The following ERAP1 variants were observed in gnomAD, a reference collection of about 807,000 sequenced individuals.
ERAP1 encodes the protein adipocyte-derived leucine aminopeptidase.
A neutral mutation model predicts 103.7 loss-of-function variants in ERAP1; 86 were observed. The ratio of observed to expected loss-of-function variants is 0.83; its 90% CI spans 0.70 to 0.99. ERAP1 has a LOEUF of 0.99. Among genes scored for constraint, ERAP1 ranks in the 50% least tolerant of loss-of-function variants. The pLI is 0.00. For missense variants in ERAP1, 1,009 were observed against 1,128.4 expected (o/e 0.89, Z 1.52); for synonymous variants, 398 against 402.4 (o/e 0.99, Z 0.13).
chr5:96,879,535 C>T, the ERAP1 span: 4 of 578,606 alleles, frequency 6.9e-6, no homozygotes, highest in African/African-American at 1.9e-5. Context: ...TCTTTTTTGT[C>T]ATGCTATAAG....
chr5:96,906,072 G>C, the ERAP1 span, among the ~76,000 whole-genome samples: 1 of 151,408 alleles, frequency 6.6e-6, no homozygotes, highest in African/African-American at 2.4e-5. Context: ...ACCACACCCA[G>C]TGTAAATCAA....
upstream of ERAP1, among the ~76,000 whole-genome samples, chr5:96,809,353 C>A (rs1779009749): frequency 6.6e-6 from 1 of 152,138 alleles, no homozygotes; most frequent in African/African-American, 2.4e-5. Flanking sequence ...TGCTCTGGTT[C>A]AAACGTCTCT....
chr5:96,794,772 C>T (rs1251055613), intron 5 of ERAP1, among the ~76,000 whole-genome samples: 1 of 152,172 alleles, frequency 6.6e-6, no homozygotes, highest in Non-Finnish European at 1.5e-5. Context: ...CTGCTGTCTG[C>T]CCACTAATAA....
chr5:96,869,375 A>G, the ERAP1 span, among the ~76,000 whole-genome samples: 3 of 152,216 alleles, frequency 2.0e-5, no homozygotes, highest in African/African-American at 7.2e-5. Context: ...TCAGAGAGGT[A>G]CAAACAGAGG....
intron 18 of ERAP1, among the ~76,000 whole-genome samples, chr5:96,777,600 A>C (rs1048704026): frequency 1.4e-5 from 2 of 146,612 alleles, no homozygotes; most frequent in Non-Finnish European, 3.0e-5. Flanking sequence ...AAAACACTTC[A>C]CTCTCTACTT....
chr5:96,909,198 A>G, the ERAP1 span: 2 of 1,399,514 alleles, frequency 1.4e-6, no homozygotes, highest in African/African-American at 2.8e-5. Context: ...TTTTGTGTGA[A>G]GTCCTTGAGG....
At chr5:96,904,901 T>C in the ERAP1 span, among the ~76,000 whole-genome samples, 1 of 152,226 alleles carries the variant, frequency 6.6e-6, no homozygotes, top group Non-Finnish European at 1.5e-5. Context: ...AAGTTAAGAA[T>C]ACAAATTTTA....
the ERAP1 span, among the ~76,000 whole-genome samples, chr5:96,899,086 A>AT: frequency 1.3e-5 from 2 of 152,144 alleles, no homozygotes; most frequent in African/African-American, 2.4e-5. Flanking sequence ...TTCCTGTGTT[A>AT]TTTTTTGTCA....
intron 19 of ERAP1, chr5:96,766,013 G>C (rs1357546438): frequency 8.9e-7 from 1 of 1,117,668 alleles, no homozygotes; most frequent in Non-Finnish European, 1.4e-6. Flanking sequence ...AAGTGAAAGA[G>C]GAAATGAATA....
In ERAP1 at chr5:96,803,934, C is replaced by T. The variant is rs1162343427; in HGVS notation, c.-8G>A. 2 of 1,604,046 alleles carry T rather than the reference C, an allele frequency of 1.2e-6. No homozygotes were observed. The highest frequency in any genetic ancestry group is 3.4e-4 in the Middle Eastern group (2 of 5,890). On this transcript the variant is annotated 5_prime_UTR_variant, in exon 2 of 19. Transcript: ENST00000443439. ...GAGGGGCAGAAACACCATCTTCTTG[C>T]TCTACCTACCTAGCGGCACAAATGT...
chr5:96,881,974 G>C, the ERAP1 span, among the ~76,000 whole-genome samples: 11 of 99,264 alleles, frequency 1.1e-4, no homozygotes, highest in African/African-American at 4.4e-4. Flanking sequence ...CCAAGGAAGG[G>C]AAATGGGTAT....
chr5:96,885,827 G>T, the ERAP1 span, among the ~76,000 whole-genome samples: 1 of 152,198 alleles, frequency 6.6e-6, no homozygotes, highest in Admixed American at 6.5e-5. Flanking sequence ...GAGACAAGCT[G>T]CCCAGACCAA....
At chr5:96,796,735 GTTTGCC>G (rs533074618) in intron 4 of ERAP1, among the ~76,000 whole-genome samples, 2 of 152,156 alleles carry the variant, frequency 1.3e-5, no homozygotes, top group African/African-American at 2.4e-5. Flanking sequence ...AACCATCCCA[GTTTGCC>G]TGAGATTGAG....
the ERAP1 span, among the ~76,000 whole-genome samples, chr5:96,853,333 G>T: frequency 1.3e-5 from 2 of 152,174 alleles, no homozygotes; most frequent in Admixed American, 6.5e-5. Flanking sequence ...AAGAAGGAAA[G>T]AACAGGATCT....
intron 11 of ERAP1, 109 bp from the exon 12 acceptor site, chr5:96,786,658 C>A: frequency 5.5e-6 from 4 of 730,008 alleles, no homozygotes; most frequent in Non-Finnish European, 9.7e-6. Context: ...AAGATAGTAC[C>A]AAAACTGCTA....
chr5:96,817,244 G>A, the ERAP1 span, among the ~76,000 whole-genome samples: 1 of 152,172 alleles, frequency 6.6e-6, no homozygotes, highest in Non-Finnish European at 1.5e-5. Context: ...GGATAGAGAA[G>A]GGTGAGGAGT....
chr5:96,777,850 G>C (rs1484072185), intron 18 of ERAP1, among the ~76,000 whole-genome samples: 1 of 152,146 alleles, frequency 6.6e-6, no homozygotes, highest in African/African-American at 2.4e-5. Context: ...CATCTCTTCT[G>C]TCTTCACCTG....
the ERAP1 span, among the ~76,000 whole-genome samples, chr5:96,913,858 C>T: frequency 6.6e-6 from 1 of 152,180 alleles, no homozygotes; most frequent in African/African-American, 2.4e-5. Flanking sequence ...GGGAAAATCT[C>T]AGGAATTTTG....
chr5:96,871,271 A>G, the ERAP1 span, among the ~76,000 whole-genome samples: 3 of 152,114 alleles, frequency 2.0e-5, no homozygotes, highest in African/African-American at 4.8e-5. Context: ...GAGCTTGCCT[A>G]TTTGTTTCCT....
Sources: gnomAD v4.1 joint callset for allele counts (sites outside exome capture counted in the v4.1 genomes callset) on GRCh38, gnomAD v4.1.1 for gene constraint, MANE v1.5 for transcripts, NCBI Gene and HGNC (gene_info 2026-07-23, HGNC 2026-07-21) for gene names.